TUSC3: variants seen among roughly 807,000 people sequenced by gnomAD.
TUSC3 encodes the protein dolichyl-diphosphooligosaccharide--protein glycosyltransferase subunit TUSC3.
In TUSC3, 45 loss-of-function variants were observed where a neutral mutation model predicts 44.8. The ratio of observed to expected loss-of-function variants is 1.00; its 90% CI spans 0.79 to 1.29. The LOEUF (loss-of-function observed/expected upper bound fraction) is 1.29, where lower values mean the gene tolerates loss of function less well. Ranked by LOEUF, TUSC3 falls within the 50% of genes most tolerant of loss-of-function variation. TUSC3 has a pLI of 0.00. For synonymous variants in TUSC3, 212 were observed against 152.9 expected (o/e 1.39, Z -2.85); for missense variants, 519 against 437.9 (o/e 1.19, Z -1.65).
At chr8:15,680,747 A>C (rs77848631) in intron 6 of TUSC3, among the ~76,000 whole-genome samples, 1 of 152,052 alleles carries the variant, frequency 6.6e-6, no homozygotes, top group African/African-American at 2.4e-5. Context: ...GACTCTTACT[A>C]TTTTGAAGTA....
intron 6 of TUSC3, among the ~76,000 whole-genome samples, chr8:15,687,482 C>A (rs1170852350): frequency 1.3e-5 from 2 of 152,128 alleles, no homozygotes; most frequent in African/African-American, 2.4e-5. Context: ...ATATTTGTGT[C>A]TGTCTAGTTA....
intron 1 of TUSC3, among the ~76,000 whole-genome samples, chr8:15,470,879 G>T (rs1314164806): frequency 6.6e-6 from 1 of 152,058 alleles, no homozygotes; most frequent in African/African-American, 2.4e-5. Context: ...GCCTGGCCAG[G>T]GCTGGTTCCT....
intron 1 of TUSC3, among the ~76,000 whole-genome samples, chr8:15,451,123 A>G (rs1800193015): frequency 6.6e-6 from 1 of 152,214 alleles, no homozygotes; most frequent in African/African-American, 2.4e-5. Flanking sequence ...GAGGGAAGCT[A>G]GAGGATCAAG....
the TUSC3 span, among the ~76,000 whole-genome samples, chr8:15,833,551 G>A: frequency 6.6e-6 from 1 of 152,134 alleles, no homozygotes; most frequent in Non-Finnish European, 1.5e-5. Flanking sequence ...GATGGACGGA[G>A]CTGGAGGCCA....
intron 6 of TUSC3, among the ~76,000 whole-genome samples, chr8:15,728,870 C>A (rs867023276): frequency 8.5e-5 from 13 of 152,088 alleles, no homozygotes; most frequent in African/African-American, 3.1e-4. Flanking sequence ...GAGGTAGACT[C>A]ATCCTCAAGA....
Position 15,655,189 on chromosome 8 carries a change from A to G in TUSC3, c.427-4318A>G, listed in dbSNP as rs145270407. 9.0e-4 allele frequency among the ~76,000 whole-genome samples: 137 copies of G among 152,322 alleles called. 1 individual carries two copies. The highest frequency in any genetic ancestry group is 3.1e-3 in the African/African-American group (130 of 41,574). On this transcript the variant is annotated intron_variant, in intron 3 of 10. Coordinates refer to ENST00000503731, the MANE Select transcript of TUSC3 (RefSeq NM_006765.4). ...ATTGGTTGCAGCTGGCTGCTAGGAA[A>G]GGCAGTCTCCCAGTAAATAGAAAAC... is the stretch of plus-strand genomic sequence containing the variant.
chr8:15,540,660 C>T (rs1158130616), intron 1 of TUSC3, 92 bp downstream of exon 1: 2 of 1,426,478 alleles, frequency 1.4e-6, no homozygotes, highest in African/African-American at 3.0e-5. Context: ...GCTAGGCAGC[C>T]TGGTCGCCGG....
At chr8:15,773,864 T>C in the TUSC3 span, among the ~76,000 whole-genome samples, 22 of 152,294 alleles carry the variant, frequency 1.4e-4, no homozygotes, top group African/African-American at 5.1e-4. Context: ...AGGATAAAGT[T>C]GGACCCTTGC....
intron 1 of TUSC3, among the ~76,000 whole-genome samples, chr8:15,483,078 A>G (rs982880441): frequency 1.3e-5 from 2 of 152,220 alleles, no homozygotes; most frequent in Non-Finnish European, 2.9e-5. Context: ...TCCTCTATTC[A>G]TACACATTGA....
At chr8:15,549,927 C>A (rs1802001040) in intron 1 of TUSC3, among the ~76,000 whole-genome samples, 1 of 151,600 alleles carries the variant, frequency 6.6e-6, no homozygotes, top group Non-Finnish European at 1.5e-5. Flanking sequence ...TCAGCAGACT[C>A]ACATCTCCAA....
the TUSC3 span, among the ~76,000 whole-genome samples, chr8:15,774,412 C>G: frequency 6.6e-6 from 1 of 152,086 alleles, no homozygotes; most frequent in South Asian, 2.1e-4. Flanking sequence ...TGGACAGATA[C>G]AGGGAGAAAA....
At chr8:15,802,869 G>A in the TUSC3 span, among the ~76,000 whole-genome samples, 1 of 151,874 alleles carries the variant, frequency 6.6e-6, no homozygotes, top group Non-Finnish European at 1.5e-5. Context: ...GTTCATACTC[G>A]GTGGTCATTC....
Position 15,501,383 on chromosome 8 carries a change from TACTTC to T in TUSC3, n.189+17905_189+17909del, listed in dbSNP as rs201669069. On this transcript the variant is annotated intron_variant and non_coding_transcript_variant, in intron 2 of 5. Coordinates refer to the TUSC3 transcript ENST00000503191. Reference sequence around the variant, plus strand: ...TGATGCACACATGGTACTTTCGCTATACTTCACTTTGGCAATGAGCAAAACTTGAC... The same window carrying T: ...TGATGCACACATGGTACTTTCGCTATACTTTGGCAATGAGCAAAACTTGAC... Among the ~76,000 whole-genome samples the T allele has an allele frequency of 2.5e-3, 381 of 152,344 alleles. 3 individuals carry two copies. The highest frequency in any genetic ancestry group is 0.024 in the East Asian group (124 of 5,180).
At chr8:15,639,685 G>T (rs926126196) in intron 2 of TUSC3, among the ~76,000 whole-genome samples, 2 of 150,248 alleles carry the variant, frequency 1.3e-5, no homozygotes, top group African/African-American at 4.9e-5. Flanking sequence ...AATGATTTTA[G>T]TTTATGTTAG....
At chr8:15,512,478 T>C (rs1210052370) in intron 2 of TUSC3, among the ~76,000 whole-genome samples, 6 of 152,078 alleles carry the variant, frequency 3.9e-5, no homozygotes, top group Non-Finnish European at 8.8e-5. Context: ...TCTTTAACAA[T>C]AAATGTTTCT....
chr8:15,777,305 C>T, the TUSC3 span, among the ~76,000 whole-genome samples: 2 of 152,118 alleles, frequency 1.3e-5, no homozygotes, highest in African/African-American at 4.8e-5. Context: ...CCAAGCTGTT[C>T]CCAAAGCTGA....
At chr8:15,448,836 T>C (rs183905863) in intron 1 of TUSC3, among the ~76,000 whole-genome samples, 102 of 152,344 alleles carry the variant, frequency 6.7e-4, no homozygotes, top group African/African-American at 2.2e-3. Flanking sequence ...CAACAGACTC[T>C]ATATATGATG....
intron 6 of TUSC3, among the ~76,000 whole-genome samples, chr8:15,722,242 T>C (rs1011874119): frequency 9.9e-5 from 15 of 151,574 alleles, no homozygotes; most frequent in African/African-American, 3.6e-4. Context: ...ATGGGTTTTG[T>C]TTCTTTCTTT....
intron 1 of TUSC3, among the ~76,000 whole-genome samples, chr8:15,585,051 T>G (rs916632983): frequency 2.9e-4 from 44 of 152,194 alleles, no homozygotes; most frequent in African/African-American, 1.0e-3. Context: ...TAAAATAAGA[T>G]TCTTGAAATC....
Sources: gnomAD v4.1 joint callset for allele counts (sites outside exome capture counted in the v4.1 genomes callset) on GRCh38, gnomAD v4.1.1 for gene constraint, MANE v1.5 for transcripts, NCBI Gene and HGNC (gene_info 2026-07-23, HGNC 2026-07-21) for gene names.